PPP2R2B: variants seen among roughly 807,000 people sequenced by gnomAD.
PPP2R2B encodes the protein serine/threonine-protein phosphatase 2A 55 kDa regulatory subunit B beta isoform.
PPP2R2B carries 5 observed loss-of-function variants against 46.0 expected under a neutral mutation model. The ratio of observed to expected loss-of-function variants is 0.11; its 90% CI spans 0.06 to 0.23. PPP2R2B has a LOEUF of 0.23. Ranked by LOEUF, PPP2R2B falls within the 10% of genes least tolerant of loss-of-function variation. The pLI is 1.00. For missense variants in PPP2R2B, 367 were observed against 575.0 expected, an observed-to-expected ratio of 0.64 and a Z score of 3.70; for synonymous variants, 215 against 206.7, an observed-to-expected ratio of 1.04 and a Z score of -0.34.
intron 2 of PPP2R2B, among the ~76,000 whole-genome samples, chr5:146,866,591 G>C (rs902424487): frequency 6.6e-6 from 1 of 151,954 alleles, no homozygotes; most frequent in African/African-American, 2.4e-5. Flanking sequence ...TTGTGGTGAA[G>C]ATTAAATTAT....
intron 1 of PPP2R2B, among the ~76,000 whole-genome samples, chr5:146,973,759 C>A (rs1172056494): frequency 6.6e-6 from 1 of 152,104 alleles, no homozygotes; most frequent in Non-Finnish European, 1.5e-5. Context: ...TTTAAAACAT[C>A]TTTGACAAGG....
At chr5:146,825,910 G>A (rs1758550957) in intron 2 of PPP2R2B, among the ~76,000 whole-genome samples, 1 of 152,132 alleles carries the variant, frequency 6.6e-6, no homozygotes, top group African/African-American at 2.4e-5. Flanking sequence ...ATTAATAATT[G>A]AAGTTTTTGT....
At chr5:146,770,278 C>A (rs1410908937) in intron 2 of PPP2R2B, among the ~76,000 whole-genome samples, 2 of 137,868 alleles carry the variant, frequency 1.5e-5, no homozygotes, top group Admixed American at 8.1e-5. Flanking sequence ...TTGCAGTAAG[C>A]CAAGATCACA....
In PPP2R2B at chr5:146,683,099, G is replaced by T. The variant is rs569529186; in HGVS notation, c.447+8029C>A. Among the ~76,000 whole-genome samples, 3 of 152,016 alleles carry T rather than the reference G, an allele frequency of 2.0e-5. No homozygotes were observed. The East Asian group carries it at 5.8e-4, about 29-fold the overall frequency. On this transcript the variant is annotated intron_variant, in intron 5 of 9. Transcript: ENST00000394411. Reference sequence around the variant, plus strand: ...ACTCCTGGAGATTCTGAGTCACTTGGTTGGAGATGACTTAGATGTTCCCAG... The same window carrying T: ...ACTCCTGGAGATTCTGAGTCACTTGTTTGGAGATGACTTAGATGTTCCCAG...
chr5:146,849,801 G>A (rs1157631389), intron 2 of PPP2R2B, among the ~76,000 whole-genome samples: 1 of 152,148 alleles, frequency 6.6e-6, no homozygotes, highest in African/African-American at 2.4e-5. Context: ...TATTAAAATA[G>A]ATAATAGGCA....
Position 146,587,350 on chromosome 5 carries a change from T to TA in PPP2R2B, c.*2596dup, listed in dbSNP as rs1260305121. ...GTCCAGGAGTCTTGGGTGTTTGCTC[T>TA]AATGCATCCTTTGCAGGGGATGGAG... On this transcript the variant is annotated 3_prime_UTR_variant, in exon 10 of 10. Transcript: ENST00000394411. 1 of 152,242 alleles carries TA rather than the reference T, an allele frequency of 6.6e-6. No homozygotes were observed. The allele number at this position is 152,242 out of a possible 1,614,324, so 9.4% of individuals were successfully genotyped here. A position where few individuals can be genotyped will look rare whatever the true frequency, so the allele number is the denominator to read the frequency against.
At chr5:146,763,357 G>C (rs1754281861) in intron 2 of PPP2R2B, among the ~76,000 whole-genome samples, 2 of 152,098 alleles carry the variant, frequency 1.3e-5, no homozygotes, top group South Asian at 4.2e-4. Flanking sequence ...GCTGGTTGAG[G>C]ATCTTCCGGT....
intron 2 of PPP2R2B, among the ~76,000 whole-genome samples, chr5:146,780,004 A>G: frequency 6.6e-6 from 1 of 152,186 alleles, no homozygotes; most frequent in Admixed American, 6.5e-5. Context: ...TATTCCATAG[A>G]GTAGCTCAAA....
At chr5:146,636,107 C>G (rs1007007145) in intron 7 of PPP2R2B, among the ~76,000 whole-genome samples, 7 of 152,284 alleles carry the variant, frequency 4.6e-5, no homozygotes, top group African/African-American at 1.7e-4. Context: ...ACTTTCCTAC[C>G]TTTATTCACA....
At chr5:146,991,457 C>T (rs1753694977) in intron 1 of PPP2R2B, among the ~76,000 whole-genome samples, 1 of 151,900 alleles carries the variant, frequency 6.6e-6, no homozygotes, top group Non-Finnish European at 1.5e-5. Flanking sequence ...AATGGTTGGC[C>T]AATAGGTACA....
At chr5:146,637,198 A>G (rs1774881811) in intron 7 of PPP2R2B, among the ~76,000 whole-genome samples, 1 of 152,230 alleles carries the variant, frequency 6.6e-6, no homozygotes, top group South Asian at 2.1e-4. Flanking sequence ...ATTGTAACAA[A>G]TACATTGTAG....
intron 7 of PPP2R2B, among the ~76,000 whole-genome samples, chr5:146,602,383 C>G (rs1386597754): frequency 1.3e-5 from 2 of 152,196 alleles, no homozygotes; most frequent in Non-Finnish European, 2.9e-5. Context: ...TTAACAGATT[C>G]TTTGCCTTCT....
intron 2 of PPP2R2B, among the ~76,000 whole-genome samples, chr5:146,761,428 A>T (rs921771416): frequency 6.6e-6 from 1 of 152,130 alleles, no homozygotes; most frequent in Non-Finnish European, 1.5e-5. Context: ...AAATCCAAAC[A>T]CCACAAGTTT....
chr5:147,049,335 T>C (rs967853595), intron 1 of PPP2R2B, among the ~76,000 whole-genome samples: 2 of 152,112 alleles, frequency 1.3e-5, no homozygotes, highest in African/African-American at 4.8e-5. Context: ...CAGAGTTCCC[T>C]CTTATTTCCT....
At chr5:146,783,449 C>T (rs1755655310) in intron 2 of PPP2R2B, among the ~76,000 whole-genome samples, 2 of 152,224 alleles carry the variant, frequency 1.3e-5, no homozygotes, top group Admixed American at 1.3e-4. Flanking sequence ...CTTTAAGCAT[C>T]TGTCTGGACC....
intron 2 of PPP2R2B, among the ~76,000 whole-genome samples, chr5:146,830,672 A>G (rs1758872584): frequency 6.6e-6 from 1 of 151,994 alleles, no homozygotes; most frequent in South Asian, 2.1e-4. Flanking sequence ...GGGATTCACC[A>G]TGTTGGCTAG....
intron 1 of PPP2R2B, among the ~76,000 whole-genome samples, chr5:147,017,823 C>A (rs1443825111): frequency 6.6e-6 from 1 of 152,180 alleles, no homozygotes; most frequent in Non-Finnish European, 1.5e-5. Context: ...GTCATGTAAA[C>A]AAATGACAGT....
intron 1 of PPP2R2B, among the ~76,000 whole-genome samples, chr5:146,966,573 A>G (rs976458859): frequency 6.6e-6 from 1 of 152,216 alleles, no homozygotes; most frequent in Non-Finnish European, 1.5e-5. Context: ...GCAAAAGCAT[A>G]TCGTTGTCTG....
At chr5:146,784,341 T>C (rs937250663) in intron 2 of PPP2R2B, among the ~76,000 whole-genome samples, 1 of 152,212 alleles carries the variant, frequency 6.6e-6, no homozygotes, top group African/African-American at 2.4e-5. Context: ...AAAAAATAAA[T>C]GTAGCCATTA....
Sources: gnomAD v4.1 joint callset for allele counts (sites outside exome capture counted in the v4.1 genomes callset) on GRCh38, gnomAD v4.1.1 for gene constraint, MANE v1.5 for transcripts, NCBI Gene and HGNC (gene_info 2026-07-23, HGNC 2026-07-21) for gene names.